The following XIAP variants were observed in gnomAD, a reference collection of about 807,000 sequenced individuals.
The protein encoded by XIAP is X-linked inhibitor of apoptosis, also known as E3 ubiquitin-protein ligase XIAP.
Under a neutral mutation model 33.1 loss-of-function variants are expected in XIAP, and 3 were observed. The ratio of observed to expected loss-of-function variants is 0.09; its 90% confidence interval spans 0.04 to 0.23. The LOEUF is 0.23. Ranked by LOEUF, XIAP falls within the 10% of genes least tolerant of loss-of-function variation. The pLI, the probability that XIAP is intolerant of heterozygous loss-of-function variation, is 1.00. For missense variants in XIAP, 264 were observed against 363.0 expected (o/e 0.73, Z 2.22); for synonymous variants, 98 against 121.3 (o/e 0.81, Z 1.26).
intron 2 of XIAP, among the ~76,000 whole-genome samples, chrX:123,888,403 A>G (rs2053373858): frequency 8.9e-6 from 1 of 112,548 alleles, no homozygotes; most frequent in Admixed American, 9.5e-5. Context: ...TTTGTCTTCT[A>G]TAAAAATACC....
intron 1 of XIAP, among the ~76,000 whole-genome samples, chrX:123,883,726 C>T (rs952397118): frequency 9.1e-6 from 1 of 110,310 alleles, no homozygotes; most frequent in Non-Finnish European, 1.9e-5. Flanking sequence ...AAACTCCCGA[C>T]CTCAGGTGAT....
At position 123,908,662 on chromosome X, in the gene XIAP, C is replaced by T. The variant is rs1483818489; in HGVS notation, c.*1481C>T. 37 of 355,689 alleles carry T rather than the reference C, an allele frequency of 1.0e-4. No individual in the cohort carries two copies. Among genetic ancestry groups the T allele is most frequent in the Non-Finnish European group, 1.7e-4 (32 of 187,655 alleles). The allele number at this position is 355,689 out of a possible 1,213,427, so 29.3% of individuals were successfully genotyped here. On this transcript the variant is annotated 3_prime_UTR_variant, in exon 7 of 7. Transcript: ENST00000371199. ...TCTTGGCTAGTAATAGTAGTAGATA[C>T]TTCTGAAATAAATGTTCTCTCAAGA...
In XIAP at chrX:123,907,828, T is replaced by C. The variant is rs901867372; in HGVS notation, c.*647T>C. The C allele has an allele frequency of 7.7e-5, 29 of 378,459 alleles. No individual in the cohort carries two copies. Among genetic ancestry groups the C allele is most frequent in the Non-Finnish European group, 1.4e-4 (29 of 201,431 alleles). The allele number at this position is 378,459 out of a possible 1,213,427, so 31.2% of individuals were successfully genotyped here. A position where few individuals can be genotyped will look rare whatever the true frequency, so the allele number is the denominator to read the frequency against. The stretch of plus-strand genomic sequence containing the variant: ...GGAAAGATGTCAAAGATATGTTAAG[T>C]GTAAAATGCAAGTGGCAAAACACTA... On this transcript the variant is annotated 3_prime_UTR_variant, in exon 7 of 7. Coordinates refer to ENST00000371199, the MANE Select transcript of XIAP (RefSeq NM_001167.4).
chrX:123,892,710 CA>C lies in XIAP; in HGVS notation c.1057-20del. ...CTCTACCAAAAATAATTCTAACTTA[CA>C]GTTCCTATTTCTGTTACAGGTAAGA... On this transcript the variant is annotated intron_variant, in intron 4 of 6. Transcript: ENST00000371199. The C allele has an allele frequency of 1.7e-6, 2 of 1,175,751 alleles. No homozygotes were observed. The highest frequency in any genetic ancestry group is 2.3e-6 in the Non-Finnish European group (2 of 864,159).
chrX:123,864,991 CTTTT>C (rs35693982), intron 1 of XIAP, among the ~76,000 whole-genome samples: 37,941 of 89,077 alleles, frequency 0.43, 5,884 homozygotes, highest in African/African-American at 0.52. Context: ...CGCCTTTCTT[CTTTT>C]TTTTTTTTTT....
At chrX:123,906,956 A>T in intron 6 of XIAP, 32 bp from the exon 7 acceptor site, 1 of 1,204,542 alleles carries the variant, frequency 8.3e-7, no homozygotes, top group South Asian at 1.8e-5. Flanking sequence ...AAGAGAGTCT[A>T]AAACTAGCAT....
chrX:123,861,105 C>T (rs977377905), intron 1 of XIAP, among the ~76,000 whole-genome samples: 2 of 111,307 alleles, frequency 1.8e-5, no homozygotes, highest in African/African-American at 6.5e-5. Flanking sequence ...GTGTTACAGA[C>T]GGCCATCTTA....
rs982138652 is a variant in XIAP, at chrX:123,911,872, G to A, written c.*4691G>A. 8 of 327,019 alleles carry A rather than the reference G, an allele frequency of 2.4e-5. No homozygotes were observed. The highest frequency in any genetic ancestry group is 4.7e-5 in the Non-Finnish European group (8 of 169,624). The allele number at this position is 327,019 out of a possible 1,213,427, so 27.0% of individuals were successfully genotyped here. A position where few individuals can be genotyped will look rare whatever the true frequency, so the allele number is the denominator to read the frequency against. Reference sequence around the variant, plus strand: ...GCATAACAGAGTTATAGAATGACAGGGCTGGAAGTGACCTTAGAGAGTATC... The same window carrying A: ...GCATAACAGAGTTATAGAATGACAGAGCTGGAAGTGACCTTAGAGAGTATC... On this transcript the variant is annotated 3_prime_UTR_variant, in exon 7 of 7. Transcript: ENST00000371199.
At chrX:123,873,144 G>A (rs2053210201) in intron 1 of XIAP, among the ~76,000 whole-genome samples, 1 of 108,174 alleles carries the variant, frequency 9.2e-6, no homozygotes, top group South Asian at 4.1e-4. Context: ...TGATTCTCTT[G>A]CCTCAGCCTT....
Position 123,909,516 on chromosome X carries a change from G to A in XIAP, c.*2335G>A, listed in dbSNP as rs756576228. 12 of 325,377 alleles carry A rather than the reference G, an allele frequency of 3.7e-5. No homozygotes were observed. The highest frequency in any genetic ancestry group is 1.9e-4 in the South Asian group (7 of 37,743). 26.8% of individuals were successfully genotyped at this position (325,377 alleles called of 1,213,427 possible). Reference sequence around the variant, plus strand: ...AAATTTAAAGTTTTCTACAAGGGGAGAAAAGTGTTAAAATTTTTAAAATAT... The same window carrying A: ...AAATTTAAAGTTTTCTACAAGGGGAAAAAAGTGTTAAAATTTTTAAAATAT... On this transcript the variant is annotated 3_prime_UTR_variant, in exon 7 of 7. Coordinates refer to ENST00000371199, the MANE Select transcript of XIAP (RefSeq NM_001167.4).
At chrX:123,859,732 G>A (rs2053060246), upstream of XIAP, 1 of 198,726 alleles carries the variant, frequency 5.0e-6, no homozygotes, top group Admixed American at 6.7e-5. Context: ...GCATGTGCGC[G>A]CGCTAGGTCA....
intron 1 of XIAP, among the ~76,000 whole-genome samples, chrX:123,864,767 C>CGTGTGTGTGTGTGTGTGT (rs752421505): frequency 1.9e-5 from 1 of 52,665 alleles, no homozygotes; most frequent in African/African-American, 7.9e-5. Context: ...GTCGCATTCT[C>CGTGTGTGTGTGTGTGTGT]GTGTGTGTGT....
chrX:123,893,410 G>A (rs1008112081), intron 5 of XIAP, among the ~76,000 whole-genome samples: 1 of 109,132 alleles, frequency 9.2e-6, no homozygotes, highest in Non-Finnish European at 1.9e-5. Context: ...GTAGTCCCAC[G>A]TACTTGGGAG....
At chrX:123,906,630 A>G (rs1444679203) in intron 6 of XIAP, among the ~76,000 whole-genome samples, 3 of 111,704 alleles carry the variant, frequency 2.7e-5, no homozygotes, top group Non-Finnish European at 5.6e-5. Flanking sequence ...GTCCATGCTT[A>G]AATGTCACTC....
intron 1 of XIAP, among the ~76,000 whole-genome samples, chrX:123,867,038 C>CT (rs150788382): frequency 0.21 from 9,824 of 47,527 alleles, 1,898 homozygotes; most frequent in African/African-American, 0.33. Context: ...TTGTTTTAAT[C>CT]CCCCCCCCCC....
chrX:123,906,963 G>A (rs759231526), intron 6 of XIAP, 25 bp from the exon 7 acceptor site: 1 of 1,206,547 alleles, frequency 8.3e-7, no homozygotes, highest in East Asian at 3.0e-5. Context: ...TCTAAAACTA[G>A]CATAATTATT....
intron 1 of XIAP, among the ~76,000 whole-genome samples, chrX:123,883,535 T>C (rs1362892397): frequency 5.0e-5 from 5 of 100,531 alleles, no homozygotes; most frequent in Non-Finnish European, 8.1e-5. Flanking sequence ...TCACTCTTGT[T>C]GCCCAGGCTG....
intron 6 of XIAP, 109 bp from the exon 7 acceptor site, chrX:123,906,879 C>T (rs28382739): frequency 0.21 from 194,610 of 920,074 alleles, 15,065 homozygotes; most frequent in South Asian, 0.39. Context: ...TCATATCTCC[C>T]GGCACTTGTT....
At chrX:123,870,952 G>A (rs1275044790) in intron 1 of XIAP, among the ~76,000 whole-genome samples, 1 of 110,660 alleles carries the variant, frequency 9.0e-6, no homozygotes, top group Non-Finnish European at 1.9e-5. Flanking sequence ...GTGTGTGTGT[G>A]TGAGGGAGTC....
Sources: gnomAD v4.1 joint callset for allele counts (sites outside exome capture counted in the v4.1 genomes callset) on GRCh38, gnomAD v4.1.1 for gene constraint, MANE v1.5 for transcripts, NCBI Gene and HGNC (gene_info 2026-07-23, HGNC 2026-07-21) for gene names.